CSMD3: variants seen among roughly 807,000 people sequenced by gnomAD.
CSMD3 encodes CUB and Sushi multiple domains 3.
In CSMD3, 177 loss-of-function variants were observed where a neutral mutation model predicts 435.2. That is an observed-to-expected ratio of 0.41 (90% CI 0.36 to 0.46). CSMD3 has a LOEUF of 0.46. Among genes scored for constraint, CSMD3 ranks in the 20% least tolerant of loss-of-function variants. The pLI, the probability that CSMD3 is intolerant of heterozygous loss-of-function variation, is 0.34. For missense variants in CSMD3, 4,265 were observed against 4,504.6 expected, an observed-to-expected ratio of 0.95 and a Z score of 1.52; for synonymous variants, 1,656 against 1,520.5, an observed-to-expected ratio of 1.09 and a Z score of -2.07.
chr8:113,143,353 C>T (rs1023936932), intron 4 of CSMD3, among the ~76,000 whole-genome samples: 2 of 151,338 alleles, frequency 1.3e-5, no homozygotes, highest in Non-Finnish European at 3.0e-5. Flanking sequence ...GAAACTCAAT[C>T]ACTTACATAT....
intron 10 of CSMD3, among the ~76,000 whole-genome samples, chr8:112,905,922 G>A (rs563938544): frequency 3.3e-5 from 5 of 151,486 alleles, no homozygotes; most frequent in East Asian, 3.9e-4. Flanking sequence ...TGAATGGCGC[G>A]AGTCTTTGGG....
intron 9 of CSMD3, among the ~76,000 whole-genome samples, chr8:112,947,201 T>G (rs2083639414): frequency 6.6e-6 from 1 of 151,678 alleles, no homozygotes; most frequent in South Asian, 2.1e-4. Context: ...AAGCATTATT[T>G]GATAGTTATG....
chr8:112,353,714 C>T (rs1271885075), intron 38 of CSMD3, among the ~76,000 whole-genome samples: 1 of 151,806 alleles, frequency 6.6e-6, no homozygotes, highest in African/African-American at 2.4e-5. Flanking sequence ...AAGAAAAAAA[C>T]CTACCAAGAA....
intron 11 of CSMD3, among the ~76,000 whole-genome samples, chr8:112,845,548 T>C (rs2080294833): frequency 6.6e-6 from 1 of 151,960 alleles, no homozygotes; most frequent in African/African-American, 2.4e-5. Flanking sequence ...CTAAATAGAG[T>C]GTTGAAGTAT....
chr8:112,874,113 T>C (rs1423133397), intron 10 of CSMD3, among the ~76,000 whole-genome samples: 1 of 152,174 alleles, frequency 6.6e-6, no homozygotes, highest in African/African-American at 2.4e-5. Context: ...GTTGTGTCTT[T>C]GTTTTCATTG....
chr8:112,854,807 A>G (rs567899474), intron 11 of CSMD3, among the ~76,000 whole-genome samples: 1 of 152,252 alleles, frequency 6.6e-6, no homozygotes, highest in Non-Finnish European at 1.5e-5. Flanking sequence ...AAGTCCTAGC[A>G]AAAACTTCAC....
chr8:112,613,842 G>T (rs982051993), intron 22 of CSMD3, among the ~76,000 whole-genome samples: 3 of 152,108 alleles, frequency 2.0e-5, no homozygotes, highest in Admixed American at 6.6e-5. Flanking sequence ...AACAGATTAG[G>T]CCAGGCATGG....
At chr8:112,695,392 G>GATAC (rs1292651599) in intron 13 of CSMD3, among the ~76,000 whole-genome samples, 1 of 151,960 alleles carries the variant, frequency 6.6e-6, no homozygotes, top group Admixed American at 6.6e-5. Flanking sequence ...ATGTTTTAGA[G>GATAC]ATACTTTTGA....
At chr8:112,818,993 T>A (rs924704910) in intron 12 of CSMD3, among the ~76,000 whole-genome samples, 1 of 152,136 alleles carries the variant, frequency 6.6e-6, no homozygotes, top group Admixed American at 6.6e-5. Context: ...CAAAATCAAA[T>A]CTATTTTACT....
chr8:113,084,347 T>C (rs897971320), intron 5 of CSMD3, among the ~76,000 whole-genome samples: 1 of 151,962 alleles, frequency 6.6e-6, no homozygotes, highest in Non-Finnish European at 1.5e-5. Context: ...AGAAATCCCA[T>C]TTGTAATAGG....
intron 4 of CSMD3, among the ~76,000 whole-genome samples, chr8:113,148,203 T>C (rs1039790444): frequency 1.3e-5 from 2 of 151,876 alleles, no homozygotes; most frequent in African/African-American, 4.8e-5. Flanking sequence ...TTTTAATTCC[T>C]CAAAAATACC....
intron 1 of CSMD3, among the ~76,000 whole-genome samples, chr8:113,427,401 C>T (rs1293702146): frequency 6.6e-6 from 1 of 150,534 alleles, no homozygotes; most frequent in Non-Finnish European, 1.5e-5. Context: ...TTCAAAAAGT[C>T]TAGTCTTAAT....
intron 32 of CSMD3, among the ~76,000 whole-genome samples, chr8:112,447,779 A>G (rs907715556): frequency 3.3e-5 from 5 of 152,208 alleles, no homozygotes; most frequent in Non-Finnish European, 7.3e-5. Context: ...ATCTTTTGCT[A>G]CCACATACTA....
At chr8:112,342,725 T>C (rs1323461742) in intron 41 of CSMD3, among the ~76,000 whole-genome samples, 3 of 151,896 alleles carry the variant, frequency 2.0e-5, no homozygotes, top group African/African-American at 4.8e-5. Flanking sequence ...TGTTACTAAA[T>C]GATTTTTTAA....
chr8:112,908,027 AC>A (rs1158667307), intron 10 of CSMD3, among the ~76,000 whole-genome samples: 1 of 151,434 alleles, frequency 6.6e-6, no homozygotes, highest in African/African-American at 2.4e-5. Context: ...TAAACAAAAA[AC>A]ATGATAATAT....
chr8:112,643,358 G>T, intron 20 of CSMD3: 1 of 165,228 alleles, frequency 6.1e-6, no homozygotes. Flanking sequence ...CTGAGTAAGA[G>T]GTTAGACTAT....
chr8:112,243,998 G>A (rs1246401987), intron 65 of CSMD3, among the ~76,000 whole-genome samples: 2 of 152,062 alleles, frequency 1.3e-5, no homozygotes, highest in Non-Finnish European at 2.9e-5. Context: ...AATGGTTTCT[G>A]CTTAGAGCTT....
chr8:112,500,231 T>A (rs563213895), intron 30 of CSMD3, among the ~76,000 whole-genome samples: 2 of 152,100 alleles, frequency 1.3e-5, no homozygotes, highest in Non-Finnish European at 1.5e-5. Context: ...TTAAACAGTG[T>A]TAACAAAAAT....
At chr8:112,700,557 T>C (rs2076367983) in intron 13 of CSMD3, among the ~76,000 whole-genome samples, 1 of 152,038 alleles carries the variant, frequency 6.6e-6, no homozygotes, top group Non-Finnish European at 1.5e-5. Flanking sequence ...TCCCCTCTTT[T>C]TTATTATTGG....
Sources: allele counts gnomAD v4.1 joint callset (sites outside exome capture counted in the v4.1 genomes callset), GRCh38; gene constraint gnomAD v4.1.1; transcripts MANE v1.5; gene names NCBI Gene and HGNC (gene_info 2026-07-23, HGNC 2026-07-21).